The following LHFPL2 variants were observed in gnomAD, a reference collection of about 807,000 sequenced individuals.
The protein encoded by LHFPL2 is LHFPL tetraspan subfamily member 2.
Under a neutral mutation model 17.5 loss-of-function variants are expected in LHFPL2, and 7 were observed. That is an observed-to-expected ratio of 0.40 (90% confidence interval 0.23 to 0.75). The LOEUF is 0.75. Among genes scored for constraint, LHFPL2 ranks in the 30% least tolerant of loss-of-function variants. LHFPL2 has a pLI of 0.37. For missense variants in LHFPL2, 241 were observed against 294.8 expected, an observed-to-expected ratio of 0.82 and a Z score of 1.34; for synonymous variants, 134 against 116.2, an observed-to-expected ratio of 1.15 and a Z score of -0.99.
intron 2 of LHFPL2, among the ~76,000 whole-genome samples, chr5:78,603,541 T>G (rs574334753): frequency 6.6e-6 from 1 of 152,196 alleles, no homozygotes; most frequent in Admixed American, 6.5e-5. Context: ...GAGAAATATA[T>G]CCGCAGGAAT....
chr5:78,520,185 G>A (rs925652487), intron 3 of LHFPL2, among the ~76,000 whole-genome samples: 4 of 152,014 alleles, frequency 2.6e-5, no homozygotes, highest in East Asian at 1.9e-4. Context: ...TGTTTCTGCC[G>A]CTTATCTCCC....
At chr5:78,512,422 G>A (rs1295368442) in intron 3 of LHFPL2, among the ~76,000 whole-genome samples, 1 of 149,994 alleles carries the variant, frequency 6.7e-6, no homozygotes, top group Non-Finnish European at 1.5e-5. Context: ...TTAGCATTCA[G>A]CCAGAAGGTA....
In LHFPL2 at chr5:78,541,065, G is replaced by GA. The variant is rs144359783; in HGVS notation, c.-186+23747dup. On this transcript the variant is annotated intron_variant, in intron 3 of 4. Transcript: ENST00000380345. ...TATGAGCATTAAGAACAAAGGAACAGAAAATCCTTTACCTCCCACTTAGAA... is the reference window on the plus strand; with the variant it reads ...TATGAGCATTAAGAACAAAGGAACAGAAAAATCCTTTACCTCCCACTTAGAA... 4.2e-4 allele frequency among the ~76,000 whole-genome samples: 64 copies of GA among 152,314 alleles called. 2 individuals carry two copies. The East Asian group carries it at 0.012, about 28-fold the overall frequency.
intron 2 of LHFPL2, among the ~76,000 whole-genome samples, chr5:78,598,552 T>C (rs1743901710): frequency 1.3e-5 from 2 of 152,388 alleles, no homozygotes; most frequent in African/African-American, 2.4e-5. Context: ...TTAGGTGGTT[T>C]GTATGTAACT....
At chr5:78,531,313 G>A (rs1055251267) in intron 3 of LHFPL2, among the ~76,000 whole-genome samples, 1 of 151,794 alleles carries the variant, frequency 6.6e-6, no homozygotes, top group South Asian at 2.1e-4. Flanking sequence ...TACTGGGGAG[G>A]CTGAGGCAGG....
chr5:78,491,620 T>C (rs1252346275), intron 4 of LHFPL2, among the ~76,000 whole-genome samples: 1 of 152,210 alleles, frequency 6.6e-6, no homozygotes, highest in Non-Finnish European at 1.5e-5. Context: ...ATTCTGTTAA[T>C]AGTTAAGAGC....
rs1218322370 is a variant in LHFPL2, at chr5:78,510,108, C to G, written c.106G>C (p.Gly36Arg). The G allele has an allele frequency of 1.2e-6, 2 of 1,613,034 alleles. No individual in the cohort carries two copies. Among genetic ancestry groups the G allele is most frequent in the African/African-American group, 1.3e-5 (1 of 74,892 alleles). ...IAFMSADWLI[G>R]KARSRGGVEP... ...ACGCCGCCGCGGCTCCTCGCTTTCCCGATCAGCCAGTCTGCACTCATGAAG... is the reference window on the plus strand; with the variant it reads ...ACGCCGCCGCGGCTCCTCGCTTTCCGGATCAGCCAGTCTGCACTCATGAAG... Residue 36 changes from glycine (G) to arginine (R), a missense_variant, in exon 4 of 5, where the codon GGG (glycine) becomes CGG (arginine). Transcript: ENST00000380345.
chr5:78,616,924 G>T (rs991379471), intron 2 of LHFPL2, among the ~76,000 whole-genome samples: 1 of 152,216 alleles, frequency 6.6e-6, no homozygotes, highest in Non-Finnish European at 1.5e-5. Flanking sequence ...CTTTCTTGAA[G>T]CAAACCCTAG....
intron 2 of LHFPL2, among the ~76,000 whole-genome samples, chr5:78,630,644 C>A (rs997998200): frequency 6.6e-6 from 1 of 151,974 alleles, no homozygotes; most frequent in East Asian, 1.9e-4. Flanking sequence ...GCAGAAGAAA[C>A]CACGGGGAAG....
At chr5:78,490,518 TG>T (rs1754403163) in intron 4 of LHFPL2, among the ~76,000 whole-genome samples, 1 of 152,138 alleles carries the variant, frequency 6.6e-6, no homozygotes, top group African/African-American at 2.4e-5. Context: ...TTTGGGAGGC[TG>T]AGGTGGGTGG....
rs539624251 is a variant in LHFPL2, at chr5:78,640,228, T to C, written c.-349-7860A>G. 6.0e-4 allele frequency among the ~76,000 whole-genome samples: 92 copies of C among 152,204 alleles called. 1 individual carries two copies. Among genetic ancestry groups the C allele is most frequent in the Admixed American group, 1.8e-3 (27 of 15,276 alleles). On this transcript the variant is annotated intron_variant, in intron 1 of 4. Transcript: ENST00000380345. Reference sequence around the variant, plus strand: ...TCAAACATGCCAGTACAGCACTTATTTAATTCAGTATTTCTTATCAATCAG... The same window carrying C: ...TCAAACATGCCAGTACAGCACTTATCTAATTCAGTATTTCTTATCAATCAG...
intron 3 of LHFPL2, among the ~76,000 whole-genome samples, chr5:78,543,593 G>A (rs1756178400): frequency 6.6e-6 from 1 of 152,022 alleles, no homozygotes; most frequent in Non-Finnish European, 1.5e-5. Context: ...CAGACCCCAG[G>A]CCTGGCCTTC....
intron 2 of LHFPL2, chr5:78,625,249 G>A (rs1005305995): frequency 2.6e-5 from 4 of 151,984 alleles, no homozygotes; most frequent in Non-Finnish European, 5.9e-5. Flanking sequence ...ACAAACAGAG[G>A]GTAAGTCTGA....
chr5:78,606,889 C>G (rs2063577881), intron 2 of LHFPL2, among the ~76,000 whole-genome samples: 1 of 151,310 alleles, frequency 6.6e-6, no homozygotes, highest in Non-Finnish European at 1.5e-5. Flanking sequence ...GTTGGCCAGG[C>G]TGGTCTTGAA....
intron 2 of LHFPL2, among the ~76,000 whole-genome samples, chr5:78,590,684 T>C (rs1286743134): frequency 6.6e-6 from 1 of 152,216 alleles, no homozygotes; most frequent in Non-Finnish European, 1.5e-5. Context: ...AAGGGCCTTT[T>C]ACCCAGAATA....
intron 4 of LHFPL2, among the ~76,000 whole-genome samples, chr5:78,493,124 C>A (rs1223655591): frequency 6.6e-6 from 1 of 152,216 alleles, no homozygotes; most frequent in African/African-American, 2.4e-5. Context: ...TTTATCATTT[C>A]TTTGGGTATG....
chr5:78,590,471 T>G (rs1482901854), intron 2 of LHFPL2, among the ~76,000 whole-genome samples: 1 of 152,188 alleles, frequency 6.6e-6, no homozygotes, highest in South Asian at 2.1e-4. Context: ...ATACTATAAG[T>G]AAAGTTTGTA....
At chr5:78,492,378 A>T (rs1046275317) in intron 4 of LHFPL2, among the ~76,000 whole-genome samples, 2 of 152,246 alleles carry the variant, frequency 1.3e-5, no homozygotes, top group African/African-American at 2.4e-5. Flanking sequence ...TTGCTGTCAC[A>T]TACCAGCTCT....
chr5:78,605,330 A>G (rs1744175775), intron 2 of LHFPL2, among the ~76,000 whole-genome samples: 1 of 152,218 alleles, frequency 6.6e-6, no homozygotes, highest in South Asian at 2.1e-4. Flanking sequence ...CATCAGGATC[A>G]AGACCAGCAC....
Sources: allele counts gnomAD v4.1 joint callset (sites outside exome capture counted in the v4.1 genomes callset), GRCh38; gene constraint gnomAD v4.1.1; transcripts MANE v1.5; gene names NCBI Gene and HGNC (gene_info 2026-07-23, HGNC 2026-07-21).